The following FAM209A variants were observed in gnomAD, a reference collection of about 807,000 sequenced individuals.
FAM209A encodes the protein protein FAM209A.
In FAM209A, 4 loss-of-function variants were observed where a neutral mutation model predicts 9.8. The observed-to-expected ratio is 0.41, with a 90% CI of 0.20 to 0.94. The LOEUF (loss-of-function observed/expected upper bound fraction) is 0.94. Among genes scored for constraint, FAM209A ranks in the 40% least tolerant of loss-of-function variants. The pLI is 0.32. For synonymous variants in FAM209A, 55 were observed against 77.8 expected (o/e 0.71, Z 1.54); for missense variants, 205 against 209.4 (o/e 0.98, Z 0.13).
chr20:56,527,782 G>A (rs1185524467), downstream of FAM209A, among the ~76,000 whole-genome samples: 2 of 152,216 alleles, frequency 1.3e-5, no homozygotes, highest in South Asian at 2.1e-4. Flanking sequence ...TCCCAACCCC[G>A]GGCCCTGAAG....
chr20:56,527,101 T>C (rs1338504913), downstream of FAM209A, among the ~76,000 whole-genome samples: 1 of 152,190 alleles, frequency 6.6e-6, no homozygotes, highest in Non-Finnish European at 1.5e-5. Context: ...TAATGGTGAT[T>C]TCTATTTTCC....
chr20:56,525,680 A>G lies in FAM209A; in HGVS notation c.250-124A>G, dbSNP rs1181866964. 3.0e-6 allele frequency: 3 copies of G among 992,078 alleles called. No homozygotes were observed. In the Admixed American group the frequency reaches 6.6e-5, roughly 22 times the overall value. 61.5% of individuals were successfully genotyped at this position (992,078 alleles called of 1,614,324 possible). A position where few individuals can be genotyped will look rare whatever the true frequency, so the allele number is the denominator to read the frequency against. On this transcript the variant is annotated intron_variant, in intron 1 of 1. Coordinates refer to ENST00000371328, the MANE Select transcript of FAM209A (RefSeq NM_001012971.4). ...CCGTAAAGGGCCAGGGAGGGTGCGA[A>G]TATCTTCAGCTTTGTGGGCAGTATG...
At chr20:56,528,187 G>A (rs917464625), downstream of FAM209A, among the ~76,000 whole-genome samples, 3 of 152,054 alleles carry the variant, frequency 2.0e-5, no homozygotes, top group Admixed American at 1.3e-4. Context: ...GGAGGCTAAG[G>A]TAGGAGCATC....
At chr20:56,526,594 T>G (rs911061742), downstream of FAM209A, among the ~76,000 whole-genome samples, 1 of 151,944 alleles carries the variant, frequency 6.6e-6, no homozygotes, top group African/African-American at 2.4e-5. Flanking sequence ...GTTCCGTGTA[T>G]ATTGACTTTT....
At chr20:56,529,177 C>T (rs931877360), downstream of FAM209A, among the ~76,000 whole-genome samples, 4 of 150,910 alleles carry the variant, frequency 2.7e-5, no homozygotes, top group Non-Finnish European at 4.4e-5. Flanking sequence ...CATTGCACTA[C>T]AGCCTAAGTG....
the FAM209A span, chr20:56,533,536 T>C: frequency 1.2e-6 from 2 of 1,614,178 alleles, no homozygotes; most frequent in Non-Finnish European, 1.7e-6. Context: ...GGCTTTTGTT[T>C]GCTGTTGTGC....
chr20:56,532,474 CTTTTTCTTTTTTTTTTT>C, the FAM209A span, among the ~76,000 whole-genome samples: 2 of 130,872 alleles, frequency 1.5e-5, no homozygotes, highest in South Asian at 2.4e-4. Context: ...CTTTCTTTTT[CTTTTTCTTTTTTTTTTT>C]TTTTTTTTTT....
downstream of FAM209A, among the ~76,000 whole-genome samples, chr20:56,526,569 C>T (rs532834171): frequency 4.7e-4 from 72 of 152,072 alleles, no homozygotes; most frequent in African/African-American, 1.7e-3. Flanking sequence ...TCCTTTCACT[C>T]ATTCCCTGTC....
chr20:56,526,665 G>A (rs80352179), downstream of FAM209A, among the ~76,000 whole-genome samples: 1 of 151,652 alleles, frequency 6.6e-6, no homozygotes, highest in Non-Finnish European at 1.5e-5. Context: ...AAAAAAGGGG[G>A]ATGAGGCAGG....
chr20:56,525,568 G>A (rs765888137), intron 1 of FAM209A, among the ~76,000 whole-genome samples: 4 of 152,116 alleles, frequency 2.6e-5, no homozygotes, highest in Non-Finnish European at 4.4e-5. Flanking sequence ...AAAGGAAGGG[G>A]AGAGAAAGTG....
At chr20:56,531,590 C>T in the FAM209A span, among the ~76,000 whole-genome samples, 2 of 150,446 alleles carry the variant, frequency 1.3e-5, no homozygotes, top group Non-Finnish European at 3.0e-5. Flanking sequence ...CATGAGCCAC[C>T]GTGCCCGGCC....
the FAM209A span, chr20:56,533,544 T>C: frequency 6.2e-7 from 1 of 1,614,186 alleles, no homozygotes; most frequent in African/African-American, 1.3e-5. Flanking sequence ...TTTGCTGTTG[T>C]GCCGTTTGTG....
At chr20:56,529,910 A>G (rs1181999371), downstream of FAM209A, among the ~76,000 whole-genome samples, 2 of 152,210 alleles carry the variant, frequency 1.3e-5, no homozygotes, top group African/African-American at 4.8e-5. Context: ...AGTCCCAGCT[A>G]CTCAGGAGGC....
rs1296110954 is a variant in FAM209A at position 56,525,933 on chromosome 20, G to A, written c.379G>A (p.Val127Met). The A allele has an allele frequency of 1.2e-6, 2 of 1,614,204 alleles. No homozygotes were observed. The highest frequency in any genetic ancestry group is 2.2e-5 in the South Asian group (2 of 91,082). Residue 127 changes from valine to methionine, a missense_variant, in exon 2 of 2, where the codon GTG becomes ATG. Val to Met is a conservative substitution (Grantham distance 21). Coordinates refer to ENST00000371328, the MANE Select transcript of FAM209A (RefSeq NM_001012971.4). ...ACTCGAGGTGGAGCTTATGAAATTT[G>A]TGTCCAAAGTGCGGAATCTTAAACG... The part of the protein sequence containing the change: ...MELEVELMKF[V>M]SKVRNLKRAM...
downstream of FAM209A, among the ~76,000 whole-genome samples, chr20:56,530,158 A>G (rs1378597455): frequency 1.3e-5 from 1 of 77,004 alleles, no homozygotes; most frequent in Non-Finnish European, 2.5e-5. Context: ...CCACCCACCC[A>G]TCCACCCTCC....
chr20:56,527,747 C>T (rs931545303), downstream of FAM209A, among the ~76,000 whole-genome samples: 6 of 152,210 alleles, frequency 3.9e-5, no homozygotes, highest in South Asian at 2.1e-4. Flanking sequence ...GGCCCTGCCT[C>T]GAAGGCATAG....
downstream of FAM209A, among the ~76,000 whole-genome samples, chr20:56,528,616 G>A (rs564004879): frequency 7.2e-5 from 11 of 151,802 alleles, no homozygotes; most frequent in Admixed American, 5.9e-4. Flanking sequence ...AAAAAAGTTG[G>A]GGTGCTTTAG....
the FAM209A span, chr20:56,533,256 A>C: frequency 6.3e-7 from 1 of 1,582,006 alleles, no homozygotes; most frequent in Non-Finnish European, 8.6e-7. Context: ...GACATCACCA[A>C]GGGCCTGGCA....
rs1232841746 is a variant in FAM209A, at chr20:56,526,095, A to G, written c.*25A>G. On this transcript the variant is annotated 3_prime_UTR_variant, in exon 2 of 2. Coordinates refer to ENST00000371328, the MANE Select transcript of FAM209A (RefSeq NM_001012971.4). Reference sequence around the variant, plus strand: ...AATGGATTTGTGTGTCAGGAGAGAAAAAAGTTGAGTGTTGACAAACTGTAT... The same window carrying G: ...AATGGATTTGTGTGTCAGGAGAGAAGAAAGTTGAGTGTTGACAAACTGTAT... The G allele has an allele frequency of 9.0e-6, 14 of 1,549,924 alleles. No homozygotes were observed. Among genetic ancestry groups the G allele is most frequent in the Non-Finnish European group, 1.0e-5 (12 of 1,151,064 alleles).
Sources: allele counts gnomAD v4.1 joint callset (sites outside exome capture counted in the v4.1 genomes callset), GRCh38; gene constraint gnomAD v4.1.1; transcripts MANE v1.5; gene names NCBI Gene and HGNC (gene_info 2026-07-23, HGNC 2026-07-21).